TAF2: variants seen among roughly 807,000 people sequenced by gnomAD.
The protein encoded by TAF2 is transcription initiation factor TFIID subunit 2.
In TAF2, 61 loss-of-function variants were observed where a neutral mutation model predicts 138.5. The observed-to-expected ratio is 0.44, with a 90% confidence interval of 0.36 to 0.54. TAF2 has a LOEUF of 0.54. Ranked by LOEUF, TAF2 falls within the 20% of genes least tolerant of loss-of-function variation. TAF2 has a pLI of 0.00. For missense variants in TAF2, 1,090 were observed against 1,427.9 expected (o/e 0.76, Z 3.81); for synonymous variants, 475 against 469.9 (o/e 1.01, Z -0.14).
chr8:119,811,731 AAGAGGCGG>A (rs972362507), intron 3 of TAF2, among the ~76,000 whole-genome samples: 4 of 150,454 alleles, frequency 2.7e-5, no homozygotes, highest in African/African-American at 9.7e-5. Context: ...GCATGAACCC[AAGAGGCGG>A]AGCTTGCAGT....
intron 3 of TAF2, among the ~76,000 whole-genome samples, chr8:119,808,488 T>C (rs995353722): frequency 1.3e-5 from 2 of 152,224 alleles, no homozygotes; most frequent in Non-Finnish European, 2.9e-5. Flanking sequence ...CTTGTTCATG[T>C]TGATGTTTTG....
chr8:119,766,021 G>A (rs1462885982), intron 18 of TAF2, among the ~76,000 whole-genome samples: 2 of 152,132 alleles, frequency 1.3e-5, no homozygotes, highest in African/African-American at 4.8e-5. Context: ...AGACGATGTA[G>A]GTATCACAGC....
At chr8:119,832,438 G>A in intron 1 of TAF2, 44 bp downstream of exon 1, 1 of 1,586,622 alleles carries the variant, frequency 6.3e-7, no homozygotes, top group Non-Finnish European at 8.6e-7. Flanking sequence ...ATAATTAATG[G>A]CAACAAAACC....
Position 119,732,147 on chromosome 8 carries a change from G to A in TAF2, c.3377C>T (p.Ala1126Val), listed in dbSNP as rs368237103. The change falls in exon 26 of 26, where the codon GCG (alanine) becomes GTG (valine). Residue 1126 changes from alanine (A) to valine (V), a missense_variant. Around this residue, in one of 3 missense-constraint regions of TAF2, gnomAD observed 580 missense variants for 719.6 expected, o/e 0.81. Coordinates refer to ENST00000378164, the MANE Select transcript of TAF2 (RefSeq NM_003184.4). ...AAAGACTGAGAGTGGAGCGCTTGCC[G>A]CTGGATGCATACTCATCTCCAAAGG... ...QAPLEMSMHP[A>V]ASAPLSVFTK... 3.7e-6 allele frequency: 6 copies of A among 1,614,018 alleles called. No homozygotes were observed. Among genetic ancestry groups the A allele is most frequent in the African/African-American group, 1.3e-5 (1 of 74,900 alleles).
intron 18 of TAF2, among the ~76,000 whole-genome samples, chr8:119,774,524 T>C (rs1822086103): frequency 6.6e-6 from 1 of 151,750 alleles, no homozygotes; most frequent in Admixed American, 6.6e-5. Flanking sequence ...CAGCTATCGT[T>C]AGTGTTAGCG....
rs779065104 is a variant in TAF2 at position 119,783,546 on chromosome 8, C to A, written c.1947G>T (p.Trp649Cys). ...CTCTCTCATAGCGGAGCTGATACTG[C>A]CACATAAAATCAGCTTGCTCAAATT... is the stretch of plus-strand genomic sequence containing the variant. The part of the protein sequence containing the change: ...KVEFEQADFM[W>C]QYQLRYERDV... Residue 649 changes from tryptophan (W) to cysteine (C), a missense_variant, in exon 16 of 26, where the codon TGG becomes TGT. This residue lies in a region of TAF2 where 580 missense variants were observed against 719.6 expected (regional missense o/e 0.81). Transcript: ENST00000378164. 6.2e-7 allele frequency: 1 copy of A among 1,614,142 alleles called. No homozygotes were observed. The highest frequency in any genetic ancestry group is 8.5e-7 in the Non-Finnish European group (1 of 1,180,018).
chr8:119,767,551 A>G (rs4871577), intron 18 of TAF2, among the ~76,000 whole-genome samples: 108,131 of 152,100 alleles, frequency 0.71, 38,604 homozygotes, highest in Middle Eastern at 0.85. Flanking sequence ...GAGCTGCCCG[A>G]AGACTGTAGA....
chr8:119,805,826 G>C (rs184651474), intron 4 of TAF2, among the ~76,000 whole-genome samples: 2 of 152,008 alleles, frequency 1.3e-5, no homozygotes, highest in East Asian at 3.9e-4. Flanking sequence ...AAGAAAAAGA[G>C]CTTCCAACCC....
intron 3 of TAF2, among the ~76,000 whole-genome samples, chr8:119,810,733 T>C (rs931657466): frequency 6.6e-6 from 1 of 152,196 alleles, no homozygotes; most frequent in African/African-American, 2.4e-5. Flanking sequence ...ACATAAAATT[T>C]GATGATTGCA....
chr8:119,787,594 T>C (rs1823113094), intron 14 of TAF2, among the ~76,000 whole-genome samples: 1 of 152,202 alleles, frequency 6.6e-6, no homozygotes, highest in South Asian at 2.1e-4. Context: ...AAACAACACA[T>C]GCTGGAGAGG....
chr8:119,785,994 A>G (rs935403729), intron 14 of TAF2, among the ~76,000 whole-genome samples: 2 of 152,216 alleles, frequency 1.3e-5, no homozygotes, highest in Non-Finnish European at 2.9e-5. Flanking sequence ...AAGAATGACT[A>G]TAAGAAGATT....
intron 18 of TAF2, among the ~76,000 whole-genome samples, chr8:119,763,121 G>C (rs1265835084): frequency 6.6e-6 from 1 of 152,170 alleles, no homozygotes; most frequent in African/African-American, 2.4e-5. Flanking sequence ...ACTGGAAGAA[G>C]ACTATCTGCC....
At chr8:119,823,490 C>T (rs1285440998) in intron 2 of TAF2, among the ~76,000 whole-genome samples, 1 of 139,460 alleles carries the variant, frequency 7.2e-6, no homozygotes, top group African/African-American at 2.9e-5. Context: ...CTCTTTTTGC[C>T]TGCCACCATC....
intron 3 of TAF2, among the ~76,000 whole-genome samples, chr8:119,809,527 G>A (rs933185383): frequency 1.3e-5 from 2 of 152,160 alleles, no homozygotes; most frequent in African/African-American, 4.8e-5. Flanking sequence ...GCTAACTGGG[G>A]CCAAGAGGTC....
Position 119,832,672 on chromosome 8 carries a change from C to T in TAF2, c.-108G>A, listed in dbSNP as rs1563938745. The stretch of plus-strand genomic sequence containing the variant: ...CTCCCCTGCGGTCCCCAAGTCACGT[C>T]TCGCAGCTGGCCGGTGCCCAGGTGA... On this transcript the variant is annotated 5_prime_UTR_variant, in exon 1 of 26. Coordinates refer to ENST00000378164, the MANE Select transcript of TAF2 (RefSeq NM_003184.4). 3 of 1,083,070 alleles carry T rather than the reference C, an allele frequency of 2.8e-6. No homozygotes were observed. Among genetic ancestry groups the T allele is most frequent in the Non-Finnish European group, 4.0e-6 (3 of 757,076 alleles). 67.1% of individuals were successfully genotyped at this position (1,083,070 alleles called of 1,614,324 possible).
intron 3 of TAF2, among the ~76,000 whole-genome samples, chr8:119,814,453 A>C (rs945486430): frequency 2.0e-5 from 3 of 151,990 alleles, no homozygotes; most frequent in Non-Finnish European, 4.4e-5. Flanking sequence ...TAAAAAAAAA[A>C]CCACAGCAAT....
At chr8:119,793,150 T>C (rs1181101624) in intron 10 of TAF2, among the ~76,000 whole-genome samples, 1 of 152,100 alleles carries the variant, frequency 6.6e-6, no homozygotes, top group Non-Finnish European at 1.5e-5. Context: ...TTCAGATACT[T>C]TATAATCAAT....
chr8:119,774,136 A>AC (rs1027055723), intron 18 of TAF2, among the ~76,000 whole-genome samples: 12 of 151,778 alleles, frequency 7.9e-5, no homozygotes, highest in African/African-American at 2.9e-4. Context: ...GCGCCACTGC[A>AC]CCCTAGCCTG....
At chr8:119,782,459 C>T (rs1391191643) in intron 16 of TAF2, among the ~76,000 whole-genome samples, 1 of 152,174 alleles carries the variant, frequency 6.6e-6, no homozygotes, top group Non-Finnish European at 1.5e-5. Context: ...AAAATCACTG[C>T]TTTCTCATAT....
Sources: allele counts gnomAD v4.1 joint callset (sites outside exome capture counted in the v4.1 genomes callset), GRCh38; gene constraint gnomAD v4.1.1; regional missense constraint gnomAD v4.1.1; transcripts MANE v1.5; gene names NCBI Gene and HGNC (gene_info 2026-07-23, HGNC 2026-07-21).